The following JMJD1C variants were observed in gnomAD, a reference collection of about 807,000 sequenced individuals.
JMJD1C encodes the protein jumonji domain containing 1C.
A neutral mutation model predicts 245.3 loss-of-function variants in JMJD1C; 31 were observed. That is an observed-to-expected ratio of 0.13 (90% CI 0.09 to 0.17). JMJD1C has a LOEUF of 0.17. JMJD1C is among the 10% of genes least tolerant of loss of function. The probability of loss-of-function intolerance (pLI) is 1.00; values close to 1 mark genes in which losing one functional copy is unlikely to be tolerated. For synonymous variants in JMJD1C, 1,057 were observed against 1,017.4 expected, an observed-to-expected ratio of 1.04 and a Z score of -0.74; for missense variants, 2,691 against 3,000.2, an observed-to-expected ratio of 0.90 and a Z score of 2.41.
Position 63,192,986 on chromosome 10 carries a change from G to A in JMJD1C, c.6028C>T (p.His2010Tyr), listed in dbSNP as rs1218670305. The A allele has an allele frequency of 1.2e-6, 2 of 1,613,986 alleles. No homozygotes were observed. Among genetic ancestry groups the A allele is most frequent in the Non-Finnish European group, 1.7e-6 (2 of 1,179,990 alleles). ...LTPPESQSPL[H>Y]WLADLAEQKA... is the part of the protein sequence containing the mutation. ...TGCTCTGCAAGATCTGCTAACCAGT[G>A]CAGTGGTGACTGGGATTCTGGAGGA... The change falls in exon 16 of 26, where the codon CAC (histidine) becomes TAC (tyrosine). Residue 2010 changes from histidine (H) to tyrosine (Y), a missense_variant. His to Tyr is a moderately conservative substitution (Grantham distance 83). Transcript: ENST00000399262.
chr10:63,274,404 GAATA>G (rs1856594394), intron 2 of JMJD1C, among the ~76,000 whole-genome samples: 1 of 151,556 alleles, frequency 6.6e-6, no homozygotes, highest in Non-Finnish European at 1.5e-5. Context: ...TCTCTACAAA[GAATA>G]AATAAAAATA....
intron 4 of JMJD1C, among the ~76,000 whole-genome samples, chr10:63,218,788 T>C (rs1460408352): frequency 1.3e-5 from 2 of 152,206 alleles, no homozygotes; most frequent in Non-Finnish European, 2.9e-5. Context: ...ACAATGGGGA[T>C]GTACCAAATA....
intron 2 of JMJD1C, among the ~76,000 whole-genome samples, chr10:63,329,720 A>G (rs10822157): frequency 0.69 from 104,924 of 152,084 alleles, 37,933 homozygotes; most frequent in Non-Finnish European, 0.81. Flanking sequence ...TTTGAATTCT[A>G]ATATTTTCCC....
chr10:63,362,857 A>G (rs1042619042), intron 2 of JMJD1C, among the ~76,000 whole-genome samples: 1 of 152,174 alleles, frequency 6.6e-6, no homozygotes, highest in African/African-American at 2.4e-5. Flanking sequence ...CTAAGCATTC[A>G]TAATTAAGCA....
chr10:63,427,342 G>T, intron 1 of JMJD1C: 1 of 1,088,142 alleles, frequency 9.2e-7, no homozygotes, highest in South Asian at 1.3e-5. Flanking sequence ...GAGTTCCTGG[G>T]ACCAAGTGTT....
intron 3 of JMJD1C, among the ~76,000 whole-genome samples, chr10:63,223,911 G>A (rs1161977188): frequency 6.6e-6 from 1 of 151,876 alleles, no homozygotes; most frequent in East Asian, 1.9e-4. Context: ...CCACCACCAA[G>A]CCCGGCTAAT....
At chr10:63,221,689 G>A (rs759104382) in intron 3 of JMJD1C, among the ~76,000 whole-genome samples, 1 of 152,190 alleles carries the variant, frequency 6.6e-6, no homozygotes, top group Non-Finnish European at 1.5e-5. Flanking sequence ...CCAGCTGACA[G>A]TCTAGTCGAT....
At chr10:63,298,419 G>A (rs1426202548) in intron 2 of JMJD1C, among the ~76,000 whole-genome samples, 2 of 152,084 alleles carry the variant, frequency 1.3e-5, no homozygotes, top group East Asian at 3.9e-4. Flanking sequence ...GTGGTCTGCT[G>A]GCAACCTTTT....
At chr10:63,427,678 A>ACC in intron 1 of JMJD1C, 1 of 1,305,016 alleles carries the variant, frequency 7.7e-7, no homozygotes, top group East Asian at 2.3e-5. Flanking sequence ...CGAAATCCGC[A>ACC]GAGAAGCCTG....
At chr10:63,345,967 T>A (rs922318794) in intron 2 of JMJD1C, among the ~76,000 whole-genome samples, 3 of 152,190 alleles carry the variant, frequency 2.0e-5, no homozygotes, top group African/African-American at 7.2e-5. Context: ...CGTGGTTAAC[T>A]TTAAAAAAAA....
At chr10:63,445,862 AT>A (rs56316223) in intron 1 of JMJD1C, among the ~76,000 whole-genome samples, 3,523 of 75,512 alleles carry the variant, frequency 0.047, 198 homozygotes, top group African/African-American at 0.19. Flanking sequence ...TGGGATCTGA[AT>A]TTTTTTTTTT....
chr10:63,417,131 T>C lies in JMJD1C; in HGVS notation c.169-36649A>G, dbSNP rs145187948. On this transcript the variant is annotated intron_variant, in intron 1 of 25. Transcript: ENST00000399262. ...ACTGACGGCACCTACTTTGAAAAAA[T>C]TTTTTACCCAAACCATCTTGAAAAT... is the stretch of plus-strand genomic sequence containing the variant. Among the ~76,000 whole-genome samples, 47 of 152,130 alleles carry C rather than the reference T, an allele frequency of 3.1e-4. 3 individuals are homozygous for C. The East Asian group carries it at 8.5e-3, about 27-fold the overall frequency.
At chr10:63,454,060 A>G (rs1388390618) in intron 1 of JMJD1C, among the ~76,000 whole-genome samples, 1 of 152,070 alleles carries the variant, frequency 6.6e-6, no homozygotes, top group Non-Finnish European at 1.5e-5. Context: ...TTTTTCTACT[A>G]GTCAGAAAAT....
intron 1 of JMJD1C, among the ~76,000 whole-genome samples, chr10:63,464,543 G>C (rs181034254): frequency 1.8e-4 from 27 of 152,240 alleles, no homozygotes; most frequent in Non-Finnish European, 2.8e-4. Context: ...ACCTTTGGAA[G>C]TCTAGTCCAT....
chr10:63,314,955 TG>T (rs765592677), intron 2 of JMJD1C, among the ~76,000 whole-genome samples: 5 of 103,912 alleles, frequency 4.8e-5, no homozygotes, highest in African/African-American at 4.2e-5. Flanking sequence ...CAGCCTTTTT[TG>T]TTTTTTTTTT....
intron 22 of JMJD1C, among the ~76,000 whole-genome samples, chr10:63,181,881 C>A: frequency 6.6e-6 from 1 of 152,188 alleles, no homozygotes; most frequent in Admixed American, 6.5e-5. Context: ...CTACAGGTCA[C>A]ATTTCTGTGG....
chr10:63,381,438 A>G (rs1947206509), intron 1 of JMJD1C, among the ~76,000 whole-genome samples: 1 of 152,202 alleles, frequency 6.6e-6, no homozygotes, highest in East Asian at 1.9e-4. Context: ...ACTTGAGCCC[A>G]GGAATTTGAG....
At chr10:63,404,483 G>A (rs1024905478) in intron 1 of JMJD1C, among the ~76,000 whole-genome samples, 4 of 152,124 alleles carry the variant, frequency 2.6e-5, no homozygotes, top group African/African-American at 7.2e-5. Flanking sequence ...AACTCCGGGG[G>A]ATCCTTGTGC....
intron 2 of JMJD1C, among the ~76,000 whole-genome samples, chr10:63,358,571 G>GA (rs781492746): frequency 4.0e-5 from 6 of 151,544 alleles, no homozygotes; most frequent in Non-Finnish European, 8.8e-5. Context: ...GGGAAAAACG[G>GA]AAAAAAGAAA....
Sources: allele counts gnomAD v4.1 joint callset (sites outside exome capture counted in the v4.1 genomes callset), GRCh38; gene constraint gnomAD v4.1.1; transcripts MANE v1.5; gene names NCBI Gene and HGNC (gene_info 2026-07-23, HGNC 2026-07-21).